The following DLG1 variants were observed in gnomAD, a reference collection of about 807,000 sequenced individuals.
DLG1 encodes discs large MAGUK scaffold protein 1, also known as disks large homolog 1.
A neutral mutation model predicts 123.4 loss-of-function variants in DLG1; 42 were observed. That is an observed-to-expected ratio of 0.34 (90% CI 0.27 to 0.44). The LOEUF is 0.44. Among genes scored for constraint, DLG1 ranks in the 20% least tolerant of loss-of-function variants. The probability of loss-of-function intolerance (pLI) is 1.00; values close to 1 mark genes in which losing one functional copy is unlikely to be tolerated. For synonymous variants in DLG1, 317 were observed against 356.2 expected (o/e 0.89, Z 1.24); for missense variants, 942 against 1,082.6 (o/e 0.87, Z 1.82).
chr3:197,124,601 G>A (rs1417788863), intron 11 of DLG1, among the ~76,000 whole-genome samples: 1 of 152,064 alleles, frequency 6.6e-6, no homozygotes, highest in East Asian at 1.9e-4. Flanking sequence ...GTCTCATTAT[G>A]TTGCCCAGGC....
intron 23 of DLG1, among the ~76,000 whole-genome samples, chr3:197,052,692 A>C (rs932662423): frequency 5.3e-5 from 8 of 152,176 alleles, no homozygotes; most frequent in East Asian, 1.9e-4. Context: ...GGGGACAAAC[A>C]ACCATATAAA....
rs1437932903 is a variant in DLG1 at position 197,075,856 on chromosome 3, G to A, written c.2005+730C>T. ...ACTTACTCAGGCCTTTTGATCCCATGTCGTCAGGGATCTCCTGTAGAGGGT... is the reference window on the plus strand; with the variant it reads ...ACTTACTCAGGCCTTTTGATCCCATATCGTCAGGGATCTCCTGTAGAGGGT... On this transcript the variant is annotated intron_variant, in intron 18 of 24. Transcript: ENST00000667157. 28 of 1,612,434 alleles carry A rather than the reference G, an allele frequency of 1.7e-5. No individual in the cohort carries two copies. In the East Asian group the frequency reaches 6.0e-4, roughly 35 times the overall value.
intron 4 of DLG1, among the ~76,000 whole-genome samples, chr3:197,240,615 G>A (rs1203498912): frequency 6.6e-6 from 1 of 152,044 alleles, no homozygotes; most frequent in Non-Finnish European, 1.5e-5. Flanking sequence ...AGAAAACTCA[G>A]TGATCTCCAA....
At chr3:197,243,732 A>G (rs1750164162) in intron 4 of DLG1, among the ~76,000 whole-genome samples, 1 of 152,162 alleles carries the variant, frequency 6.6e-6, no homozygotes, top group Non-Finnish European at 1.5e-5. Flanking sequence ...GTTGTTGGTT[A>G]TAGTAGATAT....
chr3:197,063,325 A>C, intron 22 of DLG1, among the ~76,000 whole-genome samples: 1 of 152,170 alleles, frequency 6.6e-6, no homozygotes, highest in East Asian at 1.9e-4. Flanking sequence ...ACTTTCTAAA[A>C]GTTAAAATAA....
intron 4 of DLG1, among the ~76,000 whole-genome samples, chr3:197,278,338 T>C (rs944725011): frequency 3.0e-5 from 4 of 132,416 alleles, no homozygotes; most frequent in East Asian, 2.2e-4. Context: ...GGTGTGGTGG[T>C]GCACACATGT....
chr3:197,136,167 TGTTC>T (rs1784965472), intron 10 of DLG1, among the ~76,000 whole-genome samples: 1 of 152,214 alleles, frequency 6.6e-6, no homozygotes, highest in African/African-American at 2.4e-5. Context: ...AAATGGTTGA[TGTTC>T]TAATTCTTGG....
chr3:197,276,957 T>C (rs913736882), intron 4 of DLG1, among the ~76,000 whole-genome samples: 7 of 151,966 alleles, frequency 4.6e-5, no homozygotes, highest in African/African-American at 1.5e-4. Context: ...GGTGGTACGA[T>C]CTTGGCTCAC....
intron 1 of DLG1, 31 bp downstream of exon 1, chr3:197,298,505 C>G (rs1778565232): frequency 2.5e-6 from 1 of 398,214 alleles, no homozygotes; most frequent in Non-Finnish European, 4.4e-6. Flanking sequence ...GAGGCGTGAC[C>G]TCGCCTACAC....
intron 3 of DLG1, among the ~76,000 whole-genome samples, chr3:197,283,413 C>T (rs1451758690): frequency 4.6e-5 from 7 of 152,050 alleles, no homozygotes; most frequent in Non-Finnish European, 8.8e-5. Flanking sequence ...TTCGGATATC[C>T]TCTAGTCTGA....
In DLG1 at chr3:197,201,362, C is replaced by T. The variant is rs148454272; in HGVS notation, c.319-6773G>A. On this transcript the variant is annotated intron_variant, in intron 4 of 24. Transcript: ENST00000667157. ...TCGCGCCACTGCGCTCCAGCCTGGG[C>T]GACAGAGTGAGACTCCGTCTCAAAA... Among the ~76,000 whole-genome samples the T allele has an allele frequency of 1.6e-3, 245 of 152,246 alleles. 1 individual carries two copies. In the East Asian group the frequency reaches 0.027, roughly 17 times the overall value.
intron 18 of DLG1, chr3:197,071,007 T>C (rs765188902): frequency 3.4e-4 from 51 of 152,236 alleles, no homozygotes; most frequent in Non-Finnish European, 6.2e-4. Context: ...ATTTATTAGA[T>C]ATTTTTATTT....
At chr3:197,150,031 T>C (rs1427936486) in intron 5 of DLG1, among the ~76,000 whole-genome samples, 1 of 152,214 alleles carries the variant, frequency 6.6e-6, no homozygotes, top group African/African-American at 2.4e-5. Flanking sequence ...AAAGCAGCCA[T>C]GATTTTCTTA....
rs529801136 is a variant in DLG1, at chr3:197,177,775, G to A, written c.483+16650C>T. 6.7e-4 allele frequency among the ~76,000 whole-genome samples: 102 copies of A among 152,168 alleles called. 1 individual carries two copies. Among genetic ancestry groups the A allele is most frequent in the African/African-American group, 2.3e-3 (97 of 41,542 alleles). On this transcript the variant is annotated intron_variant, in intron 5 of 24. Transcript: ENST00000667157. The stretch of plus-strand genomic sequence containing the variant: ...AGTTATATAGTTATCCCAGTTTTGA[G>A]GAAATTGAATTCTCTTCTCTCCCTA...
intron 4 of DLG1, among the ~76,000 whole-genome samples, chr3:197,237,702 G>GC (rs1269765869): frequency 6.6e-6 from 1 of 152,160 alleles, no homozygotes; most frequent in African/African-American, 2.4e-5. Context: ...CTCTCCACTG[G>GC]CCGGGGGTAG....
intron 4 of DLG1, among the ~76,000 whole-genome samples, chr3:197,253,714 G>A (rs1271629277): frequency 2.0e-5 from 3 of 152,096 alleles, no homozygotes; most frequent in Non-Finnish European, 4.4e-5. Context: ...AGGAAAGTAG[G>A]TGTGGCTACA....
At chr3:197,156,839 C>T (rs1204017202) in intron 5 of DLG1, among the ~76,000 whole-genome samples, 1 of 152,094 alleles carries the variant, frequency 6.6e-6, no homozygotes, top group Non-Finnish European at 1.5e-5. Flanking sequence ...AATGGTTCTA[C>T]AATAATAGCT....
chr3:197,146,892 A>G (rs1425421666), intron 6 of DLG1, among the ~76,000 whole-genome samples: 2 of 152,134 alleles, frequency 1.3e-5, no homozygotes, highest in Non-Finnish European at 2.9e-5. Context: ...CACAATCTAT[A>G]CTTCTGACAA....
chr3:197,124,464 T>C (rs980113967), intron 11 of DLG1, among the ~76,000 whole-genome samples: 15 of 152,088 alleles, frequency 9.9e-5, no homozygotes, highest in African/African-American at 1.7e-4. Context: ...TTAGTAGAGA[T>C]GGGGTTTCAC....
Sources: allele counts gnomAD v4.1 joint callset (sites outside exome capture counted in the v4.1 genomes callset), GRCh38; gene constraint gnomAD v4.1.1; transcripts MANE v1.5; gene names NCBI Gene and HGNC (gene_info 2026-07-23, HGNC 2026-07-21).